MYH13: variants seen among roughly 807,000 people sequenced by gnomAD.
MYH13 encodes the protein myosin heavy chain 13.
In MYH13, 177 loss-of-function variants were observed where a neutral mutation model predicts 232.1. The ratio of observed to expected loss-of-function variants is 0.76; its 90% confidence interval spans 0.67 to 0.86. The LOEUF is 0.86. MYH13 is among the 40% of genes least tolerant of loss of function. The pLI, the probability that MYH13 is intolerant of heterozygous loss-of-function variation, is 0.00. For synonymous variants in MYH13, 884 were observed against 923.5 expected (o/e 0.96, Z 0.78); for missense variants, 2,246 against 2,405.9 (o/e 0.93, Z 1.39).
At chr17:10,345,852 G>C (rs1435596148) in intron 13 of MYH13, among the ~76,000 whole-genome samples, 4 of 151,890 alleles carry the variant, frequency 2.6e-5, no homozygotes, top group African/African-American at 9.7e-5. Flanking sequence ...AATTAGCCAG[G>C]TGTGGTGGCA....
chr17:10,318,685 G>T, intron 27 of MYH13, 105 bp downstream of exon 27: 1 of 1,424,952 alleles, frequency 7.0e-7, no homozygotes, highest in Non-Finnish European at 9.6e-7. Flanking sequence ...GAGGGTTTCA[G>T]TGTAGAACAT....
chr17:10,367,098 T>C (rs1162373534), intron 2 of MYH13, among the ~76,000 whole-genome samples: 1 of 152,226 alleles, frequency 6.6e-6, no homozygotes, highest in Non-Finnish European at 1.5e-5. Flanking sequence ...CTTTCTTCTC[T>C]CATTTCTTTG....
At chr17:10,322,258 CATG>C (rs1906975868) in intron 23 of MYH13, among the ~76,000 whole-genome samples, 4 of 151,658 alleles carry the variant, frequency 2.6e-5, no homozygotes, top group Admixed American at 2.6e-4. Flanking sequence ...ATTAGCCAGG[CATG>C]GTGGTGGGCA....
chr17:10,318,372 TG>T (rs1295205233), intron 27 of MYH13, among the ~76,000 whole-genome samples: 6 of 152,098 alleles, frequency 3.9e-5, no homozygotes, highest in Non-Finnish European at 8.8e-5. Context: ...GATAAGGTCG[TG>T]GGGGTGGAGC....
intron 29 of MYH13, among the ~76,000 whole-genome samples, chr17:10,314,684 T>G (rs960025658): frequency 6.6e-6 from 1 of 152,224 alleles, no homozygotes; most frequent in African/African-American, 2.4e-5. Context: ...CCTATAAGTC[T>G]TAGCCAGCGT....
rs368532073 is a variant in MYH13 at position 10,348,689 on chromosome 17, C to CT, written c.1144+1866dup. ...CACTGTTGCTGAGGAGCCTGATACT[C>CT]TTTTTTTTTTCTTCTCAAGTTTTCC... is the stretch of plus-strand genomic sequence containing the variant. On this transcript the variant is annotated intron_variant, in intron 12 of 40. Transcript: ENST00000252172. 9.3e-3 allele frequency among the ~76,000 whole-genome samples: 1,397 copies of CT among 150,328 alleles called. 6 individuals are homozygous for CT. The highest frequency in any genetic ancestry group is 0.014 in the Non-Finnish European group (956 of 67,420).
Position 10,301,358 on chromosome 17 carries a change from C to T in MYH13, c.5802+211G>A, listed in dbSNP as rs887185467. 1.2e-4 allele frequency among the ~76,000 whole-genome samples: 18 copies of T among 152,282 alleles called. 1 individual carries two copies. Among genetic ancestry groups the T allele is most frequent in the South Asian group, 2.1e-4 (1 of 4,820 alleles). On this transcript the variant is annotated intron_variant, in intron 40 of 40. Transcript: ENST00000252172. Reference sequence around the variant, plus strand: ...TCCCTGGGTGGTCCATGGGACTCCCCCGGGGCTTGGGATTTCTTGGGAAGA... The same window carrying T: ...TCCCTGGGTGGTCCATGGGACTCCCTCGGGGCTTGGGATTTCTTGGGAAGA...
In MYH13 at chr17:10,350,695, CT is replaced by C. The variant is rs2071702497; in HGVS notation, c.1006-2del. On this transcript the variant is annotated splice_acceptor_variant, in intron 11 of 40. Coordinates refer to ENST00000252172, the MANE Select transcript of MYH13 (RefSeq NM_003802.3). LOFTEE classifies it high-confidence loss of function. ...TGAAGCCCAGGATGTCAATGGCATTCTGGAAAGAAAAAAAGGACAACTGTCA... is the reference window on the plus strand; with the variant it reads ...TGAAGCCCAGGATGTCAATGGCATTCGGAAAGAAAAAAAGGACAACTGTCA... 2 of 1,612,948 alleles carry C rather than the reference CT, an allele frequency of 1.2e-6. No individual in the cohort carries two copies. Among genetic ancestry groups the C allele is most frequent in the South Asian group, 2.2e-5 (2 of 90,936 alleles).
At chr17:10,328,798 C>G (rs1907314377) in intron 21 of MYH13, among the ~76,000 whole-genome samples, 1 of 152,028 alleles carries the variant, frequency 6.6e-6, no homozygotes, top group South Asian at 2.1e-4. Flanking sequence ...CTGGCTCAGC[C>G]TCCCAAGTAG....
chr17:10,345,199 T>A lies in MYH13; in HGVS notation c.1584+3A>T, dbSNP rs2071652817. The A allele has an allele frequency of 1.9e-6, 3 of 1,613,958 alleles. No homozygotes were observed. Among genetic ancestry groups the A allele is most frequent in the Non-Finnish European group, 1.7e-6 (2 of 1,179,930 alleles). Reference sequence around the variant, plus strand: ...GCTGTCCCAGGCAGCAGTATCTCTCTACCTTCTCGATGAGCTCGATGCAGG... The same window carrying A: ...GCTGTCCCAGGCAGCAGTATCTCTCAACCTTCTCGATGAGCTCGATGCAGG... On this transcript the variant is annotated splice_donor_region_variant and intron_variant, in intron 15 of 40. Transcript: ENST00000252172.
At chr17:10,345,101 TG>T in intron 15 of MYH13, 100 bp downstream of exon 15, 1 of 1,590,232 alleles carries the variant, frequency 6.3e-7, no homozygotes, top group Non-Finnish European at 8.6e-7. Context: ...GCTTGCAGCC[TG>T]GGGGCTAGGG....
In MYH13 at chr17:10,306,581, G is replaced by A; in HGVS notation, c.5344C>T (p.His1782Tyr). ...ELKKEQDTSAHLERMKKNLEQ... is the reference protein window; with the variant it reads ...ELKKEQDTSAYLERMKKNLEQ... The stretch of plus-strand genomic sequence containing the variant: ...AGGTTCTTCTTCATCCGCTCCAGGT[G>A]GGCGCTGGTGTCCTGTTCCTTCTTT... The change falls in exon 37 of 41, where the codon CAC becomes TAC. Residue 1782 changes from histidine to tyrosine, a missense_variant. By Grantham distance (83) the His-to-Tyr change is moderately conservative. Coordinates refer to ENST00000252172, the MANE Select transcript of MYH13 (RefSeq NM_003802.3). This position sits in a 1 kb window ranked among gnomAD's most constrained non-coding sequence, Gnocchi z 4.3. 5 of 1,614,084 alleles carry A rather than the reference G, an allele frequency of 3.1e-6. No homozygotes were observed. The highest frequency in any genetic ancestry group is 4.2e-6 in the Non-Finnish European group (5 of 1,180,028).
intron 22 of MYH13, chr17:10,324,763 T>TTTTG (rs1907141803): frequency 1.1e-5 from 1 of 89,204 alleles, no homozygotes; most frequent in Admixed American, 1.2e-4. Flanking sequence ...CATGTTTTTT[T>TTTTG]TTTTTTTTTT....
At chr17:10,309,002 G>A (rs577804386) in intron 35 of MYH13, among the ~76,000 whole-genome samples, 38 of 152,376 alleles carry the variant, frequency 2.5e-4, no homozygotes, top group Non-Finnish European at 4.4e-4. Context: ...CAACGTGCAA[G>A]ATGTTTAATG....
intron 16 of MYH13, among the ~76,000 whole-genome samples, chr17:10,342,757 C>G (rs1597384469): frequency 6.6e-6 from 1 of 152,154 alleles, no homozygotes; most frequent in East Asian, 1.9e-4. Flanking sequence ...TCTACAGGGA[C>G]AGAAAGTTGA....
chr17:10,338,887 G>A (rs890064813), intron 18 of MYH13, among the ~76,000 whole-genome samples: 1 of 152,040 alleles, frequency 6.6e-6, no homozygotes, highest in Admixed American at 6.6e-5. Context: ...ATTTTTAGTA[G>A]AGACGGGGTT....
intron 21 of MYH13, among the ~76,000 whole-genome samples, chr17:10,329,817 T>TAAAAC (rs1309578411): frequency 1.3e-5 from 2 of 152,032 alleles, no homozygotes; most frequent in African/African-American, 2.4e-5. Context: ...ACCCCATCTC[T>TAAAAC]AAAACAAAAC....
intron 27 of MYH13, among the ~76,000 whole-genome samples, chr17:10,317,176 G>A (rs62061562): frequency 0.056 from 8,509 of 152,266 alleles, 259 homozygotes; most frequent in Non-Finnish European, 0.068. Flanking sequence ...AGTGTATGGG[G>A]GATGCTGGAG....
intron 22 of MYH13, among the ~76,000 whole-genome samples, chr17:10,327,370 T>C (rs1907252420): frequency 6.6e-6 from 1 of 151,188 alleles, no homozygotes; most frequent in South Asian, 2.1e-4. Flanking sequence ...GGTCTTGAAC[T>C]CCTGGGCTCA....
Sources: gnomAD v4.1 joint callset for allele counts (sites outside exome capture counted in the v4.1 genomes callset) on GRCh38, gnomAD v4.1.1 for gene constraint, Gnocchi (gnomAD v3.1) non-coding constraint, MANE v1.5 for transcripts, NCBI Gene and HGNC (gene_info 2026-07-23, HGNC 2026-07-21) for gene names.